Variants in GRIK4 observed in about 807,000 individuals in gnomAD.
The protein encoded by GRIK4 is glutamate ionotropic receptor kainate type subunit 4, also known as glutamate receptor ionotropic, kainate 4.
GRIK4 carries 40 observed loss-of-function variants against 104.9 expected under a neutral mutation model. The ratio of observed to expected loss-of-function variants is 0.38; its 90% CI spans 0.30 to 0.50. GRIK4 has a LOEUF of 0.50. Ranked by LOEUF, GRIK4 falls within the 20% of genes least tolerant of loss-of-function variation. The pLI is 0.93. For synonymous variants in GRIK4, 485 were observed against 524.9 expected, an observed-to-expected ratio of 0.92 and a Z score of 1.04; for missense variants, 1,047 against 1,308.1, an observed-to-expected ratio of 0.80 and a Z score of 3.08.
chr11:120,521,076 G>A (rs1215978444), intron 1 of GRIK4, among the ~76,000 whole-genome samples: 1 of 148,452 alleles, frequency 6.7e-6, no homozygotes, highest in Non-Finnish European at 1.5e-5. Context: ...TTCTTTTTTT[G>A]TTTTGTTTTG....
At chr11:120,751,707 G>C (rs190678528) in intron 3 of GRIK4, among the ~76,000 whole-genome samples, 2 of 152,314 alleles carry the variant, frequency 1.3e-5, no homozygotes, top group East Asian at 3.9e-4. Context: ...GGTTTCTCTA[G>C]ACCTTCTGTG....
Position 120,962,776 on chromosome 11 carries a change from C to T in GRIK4, c.2266+95C>T, listed in dbSNP as rs563502559. ...AATACAGCATTGAATCCAGTACCCC[C>T]TGTTGTTAGAACCAGTTTAACAGTG... On this transcript the variant is annotated intron_variant, in intron 18 of 20. Transcript: ENST00000527524. The T allele has an allele frequency of 5.1e-6, 4 of 780,034 alleles. No homozygotes were observed. The South Asian group carries it at 5.2e-5, about 10-fold the overall frequency. 48.3% of individuals were successfully genotyped at this position (780,034 alleles called of 1,614,324 possible).
At chr11:120,962,762 G>C (rs773151419) in intron 18 of GRIK4, 81 bp downstream of exon 18, 1 of 852,040 alleles carries the variant, frequency 1.2e-6, no homozygotes, top group Non-Finnish European at 2.0e-6. Context: ...ATACAGCATT[G>C]AATCCAGTAC....
intron 1 of GRIK4, among the ~76,000 whole-genome samples, chr11:120,537,921 T>C (rs1174813158): frequency 6.7e-6 from 1 of 149,446 alleles, no homozygotes; most frequent in Non-Finnish European, 1.5e-5. Flanking sequence ...AGACCTAGAG[T>C]GGAGGGCAGG....
At chr11:120,590,374 G>T (rs1016789004) in intron 1 of GRIK4, among the ~76,000 whole-genome samples, 1 of 152,222 alleles carries the variant, frequency 6.6e-6, no homozygotes, top group Non-Finnish European at 1.5e-5. Context: ...GAATGAAATT[G>T]TCTTGCAGAA....
rs866311797 is a variant in GRIK4, at chr11:120,940,283, C to T, written c.1477-64C>T. ...TCCAATAGCAGTGACGGTTGCTGGTCGCAAGTCTCTGTGCCTCTTCTCCTA... is the reference window on the plus strand; with the variant it reads ...TCCAATAGCAGTGACGGTTGCTGGTTGCAAGTCTCTGTGCCTCTTCTCCTA... On this transcript the variant is annotated intron_variant, in intron 13 of 20. Transcript: ENST00000527524. The surrounding 1 kb of genome is among the most constrained non-coding windows in gnomAD (Gnocchi z 4.3). 2.9e-5 allele frequency: 28 copies of T among 968,778 alleles called. No homozygotes were observed. The highest frequency in any genetic ancestry group is 9.7e-5 in the Admixed American group (5 of 51,456). The allele number at this position is 968,778 out of a possible 1,614,324, so 60.0% of individuals were successfully genotyped here.
In GRIK4 at chr11:120,529,385, A is replaced by G. The variant is rs945102706; in HGVS notation, c.-159+17498A>G. ...AAGCCCAGCCGCTGTGCCCATCGAC[A>G]TTAGAGGGATTGCCCTTGGCTGTGA... On this transcript the variant is annotated intron_variant, in intron 1 of 20. Transcript: ENST00000527524. Among the ~76,000 whole-genome samples the G allele has an allele frequency of 3.9e-5, 6 of 152,324 alleles. No individual in the cohort carries two copies. In the Middle Eastern group the frequency reaches 0.014, roughly 345 times the overall value.
At chr11:120,852,824 TC>T (rs1954005521) in intron 8 of GRIK4, among the ~76,000 whole-genome samples, 1 of 152,120 alleles carries the variant, frequency 6.6e-6, no homozygotes, top group African/African-American at 2.4e-5. Flanking sequence ...TCCAGGGCTT[TC>T]CTGCAAAAAG....
At chr11:120,591,660 A>T (rs1020217661) in intron 1 of GRIK4, among the ~76,000 whole-genome samples, 3 of 152,150 alleles carry the variant, frequency 2.0e-5, no homozygotes, top group African/African-American at 7.2e-5. Context: ...AGTACTAGGG[A>T]TGAATGTACC....
intron 8 of GRIK4, chr11:120,859,319 T>C (rs978121323): frequency 6.6e-6 from 1 of 152,188 alleles, no homozygotes; most frequent in African/African-American, 2.4e-5. Context: ...ATATTGTTTC[T>C]TTTTAAAAAA....
Position 120,581,850 on chromosome 11 carries a change from A to G in GRIK4, c.-159+69963A>G, listed in dbSNP as rs966648116. Among the ~76,000 whole-genome samples the G allele has an allele frequency of 2.0e-5, 3 of 150,776 alleles. 1 individual carries two copies. Among genetic ancestry groups the G allele is most frequent in the African/African-American group, 7.3e-5 (3 of 40,876 alleles). The stretch of plus-strand genomic sequence containing the variant: ...GAGACGGAGTCTTGCTCTGTTGCCC[A>G]GGCTGGAGTGCAGTGGCGTGATCTC... On this transcript the variant is annotated intron_variant, in intron 1 of 20. Coordinates refer to ENST00000527524, the MANE Select transcript of GRIK4 (RefSeq NM_014619.5).
At chr11:120,585,170 A>G (rs1948643045) in intron 1 of GRIK4, among the ~76,000 whole-genome samples, 1 of 152,076 alleles carries the variant, frequency 6.6e-6, no homozygotes, top group Non-Finnish European at 1.5e-5. Flanking sequence ...ATTCCATTGT[A>G]TGTTTATACC....
At chr11:120,886,868 CA>C (rs1955133240) in intron 11 of GRIK4, among the ~76,000 whole-genome samples, 1 of 152,156 alleles carries the variant, frequency 6.6e-6, no homozygotes, top group South Asian at 2.1e-4. Context: ...TCCCCTGATG[CA>C]GAAGTAGAAT....
At chr11:120,809,563 G>A (rs1490232794) in intron 4 of GRIK4, among the ~76,000 whole-genome samples, 1 of 152,180 alleles carries the variant, frequency 6.6e-6, no homozygotes, top group East Asian at 1.9e-4. Context: ...GACTCATTTG[G>A]GATCATTTCA....
At chr11:120,904,759 C>T (rs536235134) in intron 12 of GRIK4, among the ~76,000 whole-genome samples, 5 of 152,264 alleles carry the variant, frequency 3.3e-5, no homozygotes, top group African/African-American at 1.2e-4. Flanking sequence ...ACAGCCCTTC[C>T]ATCTCTCAGT....
At chr11:120,897,284 C>G (rs982329568) in intron 11 of GRIK4, among the ~76,000 whole-genome samples, 1 of 151,700 alleles carries the variant, frequency 6.6e-6, no homozygotes, top group Non-Finnish European at 1.5e-5. Flanking sequence ...ACCTGGAGTT[C>G]TTTGAGACAA....
chr11:120,554,260 A>G (rs1394653411), intron 1 of GRIK4, among the ~76,000 whole-genome samples: 1 of 152,246 alleles, frequency 6.6e-6, no homozygotes. Context: ...TCATTGGCAG[A>G]CAAGGTTTAT....
At chr11:120,919,572 G>A (rs923305473) in intron 13 of GRIK4, among the ~76,000 whole-genome samples, 1 of 152,186 alleles carries the variant, frequency 6.6e-6, no homozygotes, top group Non-Finnish European at 1.5e-5. Context: ...AGGCCCTCCA[G>A]GTGGTGCTGA....
At chr11:120,895,247 C>T (rs1313965065) in intron 11 of GRIK4, among the ~76,000 whole-genome samples, 4 of 151,954 alleles carry the variant, frequency 2.6e-5, no homozygotes, top group African/African-American at 4.8e-5. Flanking sequence ...AAGTGGGTAG[C>T]GGGGAGCTGA....
Sources: gnomAD v4.1 joint callset for allele counts (sites outside exome capture counted in the v4.1 genomes callset) on GRCh38, gnomAD v4.1.1 for gene constraint, Gnocchi (gnomAD v3.1) non-coding constraint, MANE v1.5 for transcripts, NCBI Gene and HGNC (gene_info 2026-07-23, HGNC 2026-07-21) for gene names.